Variants in RGS7 observed in about 807,000 individuals in gnomAD.
RGS7 encodes the protein regulator of G-protein signaling 7.
In RGS7, 27 loss-of-function variants were observed where a neutral mutation model predicts 81.1. That is an observed-to-expected ratio of 0.33 (90% CI 0.25 to 0.46). The LOEUF (loss-of-function observed/expected upper bound fraction) is 0.46. RGS7 is among the 20% of genes least tolerant of loss of function. The pLI is 1.00. For missense variants in RGS7, 396 were observed against 607.4 expected, an observed-to-expected ratio of 0.65 and a Z score of 3.66; for synonymous variants, 208 against 207.7, an observed-to-expected ratio of 1.00 and a Z score of -0.01.
chr1:241,141,365 T>C (rs1274186024), intron 2 of RGS7, among the ~76,000 whole-genome samples: 1 of 152,144 alleles, frequency 6.6e-6, no homozygotes, highest in East Asian at 1.9e-4. Context: ...AATGCCACAC[T>C]CAAATGCAGA....
At chr1:241,074,797 G>GA (rs2062695080) in intron 3 of RGS7, among the ~76,000 whole-genome samples, 1 of 152,158 alleles carries the variant, frequency 6.6e-6, no homozygotes, top group Non-Finnish European at 1.5e-5. Context: ...ATGTTGCCAG[G>GA]AAAAGGGGAG....
At chr1:240,946,712 A>G (rs261795) in intron 4 of RGS7, among the ~76,000 whole-genome samples, 20,871 of 152,234 alleles carry the variant, frequency 0.14, 1,761 homozygotes, top group African/African-American at 0.24. Flanking sequence ...CCAGAATTCA[A>G]ATAAATTCTA....
At chr1:240,830,797 T>A (rs761726372) in intron 9 of RGS7, among the ~76,000 whole-genome samples, 1 of 152,226 alleles carries the variant, frequency 6.6e-6, no homozygotes, top group African/African-American at 2.4e-5. Flanking sequence ...CCAGGGGTCA[T>A]AATTAACAAA....
intron 2 of RGS7, among the ~76,000 whole-genome samples, chr1:241,225,010 T>G (rs1171200776): frequency 6.6e-6 from 1 of 152,198 alleles, no homozygotes; most frequent in Non-Finnish European, 1.5e-5. Flanking sequence ...TAAAAAAATT[T>G]TATATAAATG....
rs566289283 is a variant in RGS7 at position 241,131,430 on chromosome 1, G to A, written c.79-32668C>T. On this transcript the variant is annotated intron_variant, in intron 2 of 18. Coordinates refer to ENST00000440928, the MANE Select transcript of RGS7 (RefSeq NM_001364886.1). ...ACTTCCAGAGTTGCCAAGTCAGTGG[G>A]ACTATGTAGGGCCTGAAAATTTGCA... Among the ~76,000 whole-genome samples the A allele has an allele frequency of 2.0e-5, 3 of 152,244 alleles. No individual in the cohort carries two copies. The South Asian group carries it at 6.2e-4, about 32-fold the overall frequency.
chr1:241,179,948 A>T (rs1396598951), intron 2 of RGS7, among the ~76,000 whole-genome samples: 1 of 152,218 alleles, frequency 6.6e-6, no homozygotes, highest in Non-Finnish European at 1.5e-5. Flanking sequence ...TGCTTTTCAT[A>T]ACATGAAAAG....
In RGS7 at chr1:241,327,036, A is replaced by AGTG. The variant is rs2081559416; in HGVS notation, c.78+28662_78+28663insCAC. Among the ~76,000 whole-genome samples the AGTG allele has an allele frequency of 9.6e-4, 6 of 6,236 alleles. 1 individual carries two copies. Among genetic ancestry groups the AGTG allele is most frequent in the Non-Finnish European group, 1.3e-3 (4 of 3,082 alleles). 4.1% of individuals were successfully genotyped at this position (6,236 alleles called of 152,430 possible). A position where few individuals can be genotyped will look rare whatever the true frequency, so the allele number is the denominator to read the frequency against. On this transcript the variant is annotated intron_variant, in intron 2 of 18. Coordinates refer to ENST00000440928, the MANE Select transcript of RGS7 (RefSeq NM_001364886.1). ...GAAGGAAGGAAGGAAGGAAGGAAGGAAGGGAGGGAGGGGAAAGGAAGGAAG... is the reference window on the plus strand; with the variant it reads ...GAAGGAAGGAAGGAAGGAAGGAAGGAGTGAGGGAGGGAGGGGAAAGGAAGGAAG...
intron 2 of RGS7, among the ~76,000 whole-genome samples, chr1:241,262,647 G>A (rs915000651): frequency 2.0e-5 from 3 of 152,032 alleles, no homozygotes; most frequent in Non-Finnish European, 1.5e-5. Context: ...TTATAAAATC[G>A]CAGAGTTTAA....
chr1:241,071,885 A>C (rs1292879763), intron 3 of RGS7, among the ~76,000 whole-genome samples: 1 of 149,414 alleles, frequency 6.7e-6, no homozygotes, highest in Middle Eastern at 3.5e-3. Flanking sequence ...AAAAAAAAAA[A>C]AAAAAAAAAA....
Position 240,842,825 on chromosome 1 carries a change from TTTTTTTC to T in RGS7, c.610-15660_610-15654del, listed in dbSNP as rs572636266. On this transcript the variant is annotated intron_variant, in intron 9 of 18. Transcript: ENST00000440928. The stretch of plus-strand genomic sequence containing the variant: ...TTCCATTTTCTTAATGGCAGTTTTC[TTTTTTTC>T]TTTTTTCTTTTTCTCATAAGGGGTA... Among the ~76,000 whole-genome samples, 53 of 152,062 alleles carry T rather than the reference TTTTTTTC, an allele frequency of 3.5e-4. No individual in the cohort carries two copies. In the East Asian group the frequency reaches 9.5e-3, roughly 27 times the overall value.
At chr1:240,975,074 G>A (rs1322555018) in intron 4 of RGS7, among the ~76,000 whole-genome samples, 1 of 152,092 alleles carries the variant, frequency 6.6e-6, no homozygotes, top group African/African-American at 2.4e-5. Context: ...ATGGAGAGAA[G>A]GAAAAAAGAT....
At chr1:240,887,240 T>G (rs796407978) in intron 6 of RGS7, among the ~76,000 whole-genome samples, 55,205 of 148,172 alleles carry the variant, frequency 0.37, 10,756 homozygotes, top group East Asian at 0.5. Context: ...TTTTTTTTTT[T>G]TTTTTTGAGA....
chr1:241,057,878 A>C (rs929925080), intron 3 of RGS7, among the ~76,000 whole-genome samples: 1 of 152,208 alleles, frequency 6.6e-6, no homozygotes, highest in East Asian at 1.9e-4. Flanking sequence ...AGTAATAATA[A>C]TTTAAAAAAG....
intron 2 of RGS7, among the ~76,000 whole-genome samples, chr1:241,249,222 T>C (rs970457365): frequency 1.3e-4 from 20 of 152,150 alleles, no homozygotes; most frequent in Admixed American, 1.3e-4. Flanking sequence ...TTTTCTTCTA[T>C]AGTTTTATAG....
intron 2 of RGS7, among the ~76,000 whole-genome samples, chr1:241,331,821 C>T (rs1250655369): frequency 6.6e-6 from 1 of 152,140 alleles, no homozygotes; most frequent in Non-Finnish European, 1.5e-5. Flanking sequence ...GGTGATTATT[C>T]ATTCATTCAC....
At position 240,879,965 on chromosome 1, in the gene RGS7, G is replaced by T. The variant is rs115450239; in HGVS notation, c.386-9846C>A. On this transcript the variant is annotated intron_variant, in intron 6 of 18. Transcript: ENST00000440928. ...CTGAAAATTTTGTCTTGGAACAGTG[G>T]TTTTTTTAAAAAGTCTATATTTGCT... Among the ~76,000 whole-genome samples, 975 of 152,208 alleles carry T rather than the reference G, an allele frequency of 6.4e-3. 4 individuals are homozygous for T. The highest frequency in any genetic ancestry group is 0.023 in the African/African-American group (945 of 41,536).
intron 2 of RGS7, among the ~76,000 whole-genome samples, chr1:241,241,347 T>C: frequency 6.6e-6 from 1 of 151,888 alleles, no homozygotes; most frequent in East Asian, 2.0e-4. Flanking sequence ...TGAAAAGTAA[T>C]GACAAAAACC....
chr1:240,787,660 G>A (rs1358672198), intron 18 of RGS7, among the ~76,000 whole-genome samples: 3 of 152,064 alleles, frequency 2.0e-5, no homozygotes, highest in African/African-American at 7.2e-5. Context: ...TAAAGACTGA[G>A]TAACAAAGAA....
intron 2 of RGS7, among the ~76,000 whole-genome samples, chr1:241,276,610 C>T (rs190786576): frequency 2.6e-4 from 40 of 152,290 alleles, no homozygotes; most frequent in African/African-American, 9.1e-4. Flanking sequence ...TCTTTTGTTG[C>T]TTCATTTTAG....
Sources: allele counts gnomAD v4.1 joint callset (sites outside exome capture counted in the v4.1 genomes callset), GRCh38; gene constraint gnomAD v4.1.1; transcripts MANE v1.5; gene names NCBI Gene and HGNC (gene_info 2026-07-23, HGNC 2026-07-21).